The following GMDS variants were observed in gnomAD, a reference collection of about 807,000 sequenced individuals.
The protein encoded by GMDS is GDP-mannose 4,6-dehydratase, also known as GDP-mannose 4,6 dehydratase.
Under a neutral mutation model 49.9 loss-of-function variants are expected in GMDS, and 20 were observed. The ratio of observed to expected loss-of-function variants is 0.40; its 90% CI spans 0.28 to 0.58. The LOEUF (loss-of-function observed/expected upper bound fraction) is 0.58. GMDS is among the 20% of genes least tolerant of loss of function. GMDS has a pLI of 0.42. For missense variants in GMDS, 362 were observed against 481.4 expected (o/e 0.75, Z 2.32); for synonymous variants, 177 against 178.6 (o/e 0.99, Z 0.07).
At chr6:2,128,124 A>G (rs1775552577) in intron 1 of GMDS, among the ~76,000 whole-genome samples, 1 of 151,264 alleles carries the variant, frequency 6.6e-6, no homozygotes, top group Admixed American at 6.6e-5. Context: ...ATGCCATACT[A>G]TTTTGAGCAA....
chr6:1,939,289 T>G (rs1030145156), intron 6 of GMDS, among the ~76,000 whole-genome samples: 1 of 151,960 alleles, frequency 6.6e-6, no homozygotes, highest in Admixed American at 6.6e-5. Flanking sequence ...TAACCTTAAT[T>G]TGCTGGAGAC....
Position 1,778,176 on chromosome 6 carries a change from C to T in GMDS, c.772-35590G>A, listed in dbSNP as rs1768918490. On this transcript the variant is annotated intron_variant, in intron 7 of 10. Transcript: ENST00000380815. This position sits in a 1 kb window ranked among gnomAD's most constrained non-coding sequence, Gnocchi z 4.6. ...TCGAGTTAGACTGGCCTTCTCAACA[C>T]CTCACGAAAAGCGCCCTTGGGTCTC... 6.6e-6 allele frequency among the ~76,000 whole-genome samples: 1 copy of T among 152,294 alleles called. No individual in the cohort carries two copies. The highest frequency in any genetic ancestry group is 3.4e-3 in the Middle Eastern group (1 of 294).
chr6:2,108,332 A>G (rs1234652657), intron 4 of GMDS, among the ~76,000 whole-genome samples: 2 of 152,198 alleles, frequency 1.3e-5, no homozygotes, highest in Non-Finnish European at 2.9e-5. Flanking sequence ...CTTTTAGGGA[A>G]GCTAACTTAC....
At chr6:1,672,189 A>G (rs989534650) in intron 9 of GMDS, among the ~76,000 whole-genome samples, 1 of 152,200 alleles carries the variant, frequency 6.6e-6, no homozygotes, top group African/African-American at 2.4e-5. Context: ...GGAGCATTTG[A>G]GACGTCTGAC....
intron 4 of GMDS, among the ~76,000 whole-genome samples, chr6:2,091,004 G>C (rs567086081): frequency 6.6e-6 from 1 of 152,292 alleles, no homozygotes; most frequent in South Asian, 2.1e-4. Flanking sequence ...ACTGCCTCGT[G>C]GGGGGAGTTT....
At chr6:2,041,604 C>T (rs564303328) in intron 4 of GMDS, among the ~76,000 whole-genome samples, 2 of 152,264 alleles carry the variant, frequency 1.3e-5, no homozygotes, top group Middle Eastern at 3.4e-3. Context: ...CCCTCCCATC[C>T]TGGGCCTGAA....
chr6:2,045,434 GT>G (rs931968396), intron 4 of GMDS, among the ~76,000 whole-genome samples: 7 of 149,114 alleles, frequency 4.7e-5, no homozygotes, highest in Non-Finnish European at 1.0e-4. Flanking sequence ...ATAATTAGCT[GT>G]TTTTTTCTTT....
intron 1 of GMDS, among the ~76,000 whole-genome samples, chr6:2,207,881 T>C (rs572173934): frequency 4.9e-4 from 74 of 152,042 alleles, no homozygotes; most frequent in African/African-American, 1.7e-3. Flanking sequence ...AGGAAAATAT[T>C]GAGAAGATTT....
chr6:2,227,022 T>C (rs1479886889), intron 1 of GMDS, among the ~76,000 whole-genome samples: 3 of 152,142 alleles, frequency 2.0e-5, no homozygotes, highest in African/African-American at 7.2e-5. Flanking sequence ...GTCAAAACAA[T>C]GAAGAAAAGA....
intron 7 of GMDS, among the ~76,000 whole-genome samples, chr6:1,910,182 C>G (rs1760979204): frequency 6.6e-6 from 1 of 150,400 alleles, no homozygotes; most frequent in Non-Finnish European, 1.5e-5. Flanking sequence ...AATTATATAA[C>G]ATATGGCATG....
In GMDS at chr6:1,623,958, C is replaced by T. The variant is rs1289622939; in HGVS notation, c.*211G>A. The T allele has an allele frequency of 1.1e-5, 6 of 526,720 alleles. No individual in the cohort carries two copies. Among genetic ancestry groups the T allele is most frequent in the African/African-American group, 2.0e-5 (1 of 50,792 alleles). 32.6% of individuals were successfully genotyped at this position (526,720 alleles called of 1,614,324 possible). ...GCCATTCAGAGGAGGCTTCGACAAA[C>T]GCAAAGCGACCCAAACCCTGGAGGG... On this transcript the variant is annotated 3_prime_UTR_variant, in exon 11 of 11. Transcript: ENST00000380815.
intron 9 of GMDS, among the ~76,000 whole-genome samples, chr6:1,684,252 G>T (rs1490411345): frequency 1.3e-5 from 2 of 152,160 alleles, no homozygotes; most frequent in African/African-American, 4.8e-5. Flanking sequence ...AGTCTCCCGT[G>T]TTGCTGGTGG....
At chr6:1,757,700 G>A (rs1443357113) in intron 7 of GMDS, among the ~76,000 whole-genome samples, 5 of 152,180 alleles carry the variant, frequency 3.3e-5, no homozygotes, top group African/African-American at 7.2e-5. Flanking sequence ...GACAATCACT[G>A]TTACCAGAAA....
chr6:2,103,452 C>G (rs1774041188), intron 4 of GMDS, among the ~76,000 whole-genome samples: 1 of 152,032 alleles, frequency 6.6e-6, no homozygotes, highest in Admixed American at 6.5e-5. Flanking sequence ...AGAGATTAGT[C>G]TGTGGTACTA....
Position 2,068,674 on chromosome 6 carries a change from A to G in GMDS, c.345+47097T>C, listed in dbSNP as rs540683515. Among the ~76,000 whole-genome samples, 24 of 152,308 alleles carry G rather than the reference A, an allele frequency of 1.6e-4. 1 individual carries two copies. In the South Asian group the frequency reaches 4.8e-3, roughly 30 times the overall value. On this transcript the variant is annotated intron_variant, in intron 4 of 10. Coordinates refer to ENST00000380815, the MANE Select transcript of GMDS (RefSeq NM_001500.4). ...GTGAACTCCCATTCACAATTGCTTC[A>G]AAGAGAATAAAATACCTAGGAATCC...
chr6:1,711,733 C>G (rs1399493696), intron 9 of GMDS, among the ~76,000 whole-genome samples: 1 of 152,178 alleles, frequency 6.6e-6, no homozygotes, highest in Admixed American at 6.5e-5. Context: ...GCCTGCATAC[C>G]CCTTCCGTGC....
At chr6:2,110,147 C>A (rs943651960) in intron 4 of GMDS, among the ~76,000 whole-genome samples, 3 of 152,126 alleles carry the variant, frequency 2.0e-5, no homozygotes, top group Non-Finnish European at 2.9e-5. Context: ...GTTAGCCAGG[C>A]ACTAACCAGA....
At chr6:1,894,966 T>TC (rs1460279532) in intron 7 of GMDS, among the ~76,000 whole-genome samples, 1 of 152,320 alleles carries the variant, frequency 6.6e-6, no homozygotes, top group East Asian at 1.9e-4. Flanking sequence ...ATGTTCTTTT[T>TC]CCCCCTTTAG....
chr6:1,824,925 G>A (rs2113711478), intron 7 of GMDS, among the ~76,000 whole-genome samples: 1 of 152,208 alleles, frequency 6.6e-6, no homozygotes, highest in South Asian at 2.1e-4. Context: ...AGAAGTCAGG[G>A]GCATGCACTA....
Sources: allele counts gnomAD v4.1 joint callset (sites outside exome capture counted in the v4.1 genomes callset), GRCh38; gene constraint gnomAD v4.1.1; non-coding constraint Gnocchi (gnomAD v3.1); transcripts MANE v1.5; gene names NCBI Gene and HGNC (gene_info 2026-07-23, HGNC 2026-07-21).